Variants in SGCZ observed in about 807,000 individuals in gnomAD.
The protein encoded by SGCZ is zeta-sarcoglycan.
In SGCZ, 40 loss-of-function variants were observed where a neutral mutation model predicts 41.3. The observed-to-expected ratio is 0.97, with a 90% confidence interval of 0.75 to 1.26. The LOEUF (loss-of-function observed/expected upper bound fraction) is 1.26, where lower values mean the gene tolerates loss of function less well. Ranked by LOEUF, SGCZ falls within the 50% of genes most tolerant of loss-of-function variation. SGCZ has a pLI of 0.00. For missense variants in SGCZ, 552 were observed against 369.8 expected, an observed-to-expected ratio of 1.49 and a Z score of -4.04; for synonymous variants, 206 against 137.5, an observed-to-expected ratio of 1.50 and a Z score of -3.49.
At chr8:15,094,726 G>C (rs890617308) in intron 1 of SGCZ, among the ~76,000 whole-genome samples, 1 of 152,186 alleles carries the variant, frequency 6.6e-6, no homozygotes, top group Non-Finnish European at 1.5e-5. Flanking sequence ...GAAGATAATT[G>C]AATCATGGGG....
intron 1 of SGCZ, among the ~76,000 whole-genome samples, chr8:14,848,417 C>A (rs1444819216): frequency 6.6e-6 from 1 of 152,010 alleles, no homozygotes; most frequent in Non-Finnish European, 1.5e-5. Context: ...AAAAGAGGAA[C>A]CAAATAGGAG....
intron 1 of SGCZ, among the ~76,000 whole-genome samples, chr8:14,733,441 A>C (rs964403498): frequency 6.6e-6 from 1 of 152,138 alleles, no homozygotes; most frequent in Non-Finnish European, 1.5e-5. Flanking sequence ...TGCAGACAAA[A>C]ACTTCTTCTT....
intron 2 of SGCZ, among the ~76,000 whole-genome samples, chr8:14,357,544 G>A (rs187391628): frequency 6.6e-6 from 1 of 152,128 alleles, no homozygotes; most frequent in Non-Finnish European, 1.5e-5. Context: ...AGATCAGGAA[G>A]TAACAAAATA....
At chr8:14,697,259 C>G (rs1489986429) in intron 1 of SGCZ, among the ~76,000 whole-genome samples, 1 of 152,006 alleles carries the variant, frequency 6.6e-6, no homozygotes, top group Non-Finnish European at 1.5e-5. Flanking sequence ...TCTGGCTTTA[C>G]TACATGCCAG....
chr8:14,592,626 A>G (rs1805276593), intron 1 of SGCZ, among the ~76,000 whole-genome samples: 1 of 152,168 alleles, frequency 6.6e-6, no homozygotes, highest in Admixed American at 6.5e-5. Flanking sequence ...AAACAAAAAA[A>G]CAAACTTTTA....
intron 1 of SGCZ, among the ~76,000 whole-genome samples, chr8:14,754,682 C>T (rs890706704): frequency 9.2e-5 from 14 of 151,980 alleles, no homozygotes; most frequent in African/African-American, 3.4e-4. Context: ...ACTTATAAAC[C>T]TCAGTAATAT....
At chr8:14,738,730 G>A (rs1799118904) in intron 1 of SGCZ, among the ~76,000 whole-genome samples, 1 of 152,068 alleles carries the variant, frequency 6.6e-6, no homozygotes, top group African/African-American at 2.4e-5. Context: ...ACAATGGTAG[G>A]TCATGAAAGT....
intron 2 of SGCZ, among the ~76,000 whole-genome samples, chr8:14,406,531 T>A (rs370164948): frequency 1.3e-5 from 2 of 152,294 alleles, no homozygotes; most frequent in East Asian, 3.9e-4. Flanking sequence ...GTTGAATGAA[T>A]GTAACCTGTG....
At chr8:14,689,571 A>G (rs1349300703) in intron 1 of SGCZ, among the ~76,000 whole-genome samples, 1 of 152,174 alleles carries the variant, frequency 6.6e-6, no homozygotes, top group East Asian at 1.9e-4. Flanking sequence ...TACTAACATA[A>G]TTAAATTCTA....
chr8:14,817,339 A>C (rs539283541), intron 1 of SGCZ, among the ~76,000 whole-genome samples: 1 of 152,184 alleles, frequency 6.6e-6, no homozygotes, highest in South Asian at 2.1e-4. Context: ...ACTGCCACAA[A>C]ATACAAGCAA....
At chr8:14,356,613 A>T (rs1201986728) in intron 2 of SGCZ, among the ~76,000 whole-genome samples, 1 of 152,094 alleles carries the variant, frequency 6.6e-6, no homozygotes, top group Non-Finnish European at 1.5e-5. Flanking sequence ...CCAATATAAT[A>T]GAAATAATAT....
chr8:14,229,171 G>C lies in SGCZ; in HGVS notation c.424+8421C>G, dbSNP rs909042019. Reference sequence around the variant, plus strand: ...TGCACTTCTATCTGTACAAATAATTGTCAATTTAATTAAATATTTCAGCCA... The same window carrying C: ...TGCACTTCTATCTGTACAAATAATTCTCAATTTAATTAAATATTTCAGCCA... On this transcript the variant is annotated intron_variant, in intron 4 of 7. Transcript: ENST00000382080. Among the ~76,000 whole-genome samples the C allele has an allele frequency of 1.1e-4, 17 of 152,198 alleles. No homozygotes were observed. In the East Asian group the frequency reaches 2.7e-3, roughly 24 times the overall value.
At chr8:15,104,530 C>T (rs1489983195) in intron 1 of SGCZ, among the ~76,000 whole-genome samples, 1 of 152,196 alleles carries the variant, frequency 6.6e-6, no homozygotes, top group East Asian at 1.9e-4. Context: ...CTCTTTCTTG[C>T]CTTGCTGGCA....
At chr8:15,218,647 C>T (rs1486083586) in intron 1 of SGCZ, among the ~76,000 whole-genome samples, 2 of 152,154 alleles carry the variant, frequency 1.3e-5, no homozygotes, top group East Asian at 1.9e-4. Flanking sequence ...CCTAGTGTAC[C>T]CACATGAGTA....
At chr8:15,166,099 G>C (rs551363370) in intron 1 of SGCZ, among the ~76,000 whole-genome samples, 1 of 152,130 alleles carries the variant, frequency 6.6e-6, no homozygotes. Flanking sequence ...TCAAACTCCA[G>C]TTTCAAAATT....
At chr8:14,487,480 T>A (rs887561742) in intron 2 of SGCZ, among the ~76,000 whole-genome samples, 2 of 152,252 alleles carry the variant, frequency 1.3e-5, no homozygotes, top group Non-Finnish European at 2.9e-5. Flanking sequence ...CTAGATGTGC[T>A]GATTTGTGCT....
At chr8:14,178,793 AG>A (rs1287641204) in intron 4 of SGCZ, among the ~76,000 whole-genome samples, 4 of 152,258 alleles carry the variant, frequency 2.6e-5, no homozygotes, top group African/African-American at 7.2e-5. Context: ...AAATAAATTG[AG>A]TAAATGTAAA....
intron 1 of SGCZ, among the ~76,000 whole-genome samples, chr8:14,887,585 T>A (rs995233727): frequency 1.5e-4 from 23 of 152,148 alleles, no homozygotes; most frequent in Non-Finnish European, 2.6e-4. Context: ...TAGCTATACA[T>A]ATACATATAC....
At chr8:14,320,881 GA>G (rs1801895095) in intron 3 of SGCZ, among the ~76,000 whole-genome samples, 1 of 152,128 alleles carries the variant, frequency 6.6e-6, no homozygotes, top group South Asian at 2.1e-4. Flanking sequence ...AAGAGGTTCT[GA>G]AGAACTACAC....
Sources: gnomAD v4.1 joint callset for allele counts (sites outside exome capture counted in the v4.1 genomes callset) on GRCh38, gnomAD v4.1.1 for gene constraint, MANE v1.5 for transcripts, NCBI Gene and HGNC (gene_info 2026-07-23, HGNC 2026-07-21) for gene names.